SIK3: variants seen among roughly 807,000 people sequenced by gnomAD.
The protein encoded by SIK3 is serine/threonine-protein kinase SIK3.
SIK3 carries 28 observed loss-of-function variants against 144.2 expected under a neutral mutation model. The observed-to-expected ratio is 0.19, with a 90% confidence interval of 0.14 to 0.27. The LOEUF (loss-of-function observed/expected upper bound fraction) is 0.27. Ranked by LOEUF, SIK3 falls within the 10% of genes least tolerant of loss-of-function variation. The pLI is 1.00. For synonymous variants in SIK3, 686 were observed against 676.3 expected (o/e 1.01, Z -0.22); for missense variants, 1,319 against 1,776.0 (o/e 0.74, Z 4.62).
chr11:117,036,023 G>A (rs1426957919), intron 1 of SIK3: 4 of 1,441,986 alleles, frequency 2.8e-6, no homozygotes, highest in South Asian at 1.2e-5. Context: ...TTCTGGAGAG[G>A]GATGAAGGAG....
intron 6 of SIK3, among the ~76,000 whole-genome samples, chr11:116,894,907 T>A (rs1204335292): frequency 6.6e-6 from 1 of 152,212 alleles, no homozygotes; most frequent in Admixed American, 6.5e-5. Flanking sequence ...TTGTACCTTT[T>A]AGCCTACCGG....
intron 4 of SIK3, among the ~76,000 whole-genome samples, chr11:116,919,163 C>T (rs1279276650): frequency 6.6e-6 from 1 of 152,194 alleles, no homozygotes; most frequent in African/African-American, 2.4e-5. Context: ...GTCAGAGGCA[C>T]TGTCAGTCAA....
intron 1 of SIK3, among the ~76,000 whole-genome samples, chr11:117,060,069 T>C (rs972092847): frequency 2.0e-5 from 3 of 152,230 alleles, no homozygotes; most frequent in African/African-American, 4.8e-5. Flanking sequence ...AGCAGCTTTA[T>C]TCATAGTTGA....
In SIK3 at chr11:116,875,120, G is replaced by T. The variant is rs781654387; in HGVS notation, c.1427+38C>A. 1.9e-5 allele frequency: 28 copies of T among 1,507,998 alleles called. No homozygotes were observed. In the Middle Eastern group the frequency reaches 1.9e-3, roughly 103 times the overall value. 93.4% of individuals were successfully genotyped at this position (1,507,998 alleles called of 1,614,324 possible). A position where few individuals can be genotyped will look rare whatever the true frequency, so the allele number is the denominator to read the frequency against. ...ACTGAAAGTCAGGTGACAATTCTTT[G>T]CCCCAGTGTTAGTGAGGGCTGTTGG... On this transcript the variant is annotated intron_variant, in intron 11 of 24. Coordinates refer to ENST00000445177, the MANE Select transcript of SIK3 (RefSeq NM_001366686.3).
intron 1 of SIK3, among the ~76,000 whole-genome samples, chr11:117,013,972 C>CTTTTTTT (rs71037442): frequency 0.018 from 479 of 27,038 alleles, 91 homozygotes; most frequent in African/African-American, 0.047. Context: ...TTTTTCTTTT[C>CTTTTTTT]TTTTTTTTTT....
At chr11:117,081,164 A>G (rs1316218398) in intron 1 of SIK3, among the ~76,000 whole-genome samples, 1 of 152,028 alleles carries the variant, frequency 6.6e-6, no homozygotes, top group African/African-American at 2.4e-5. Flanking sequence ...ATTAAAAAAA[A>G]TTTTTACCAT....
At chr11:117,016,146 T>G (rs1356536854) in intron 1 of SIK3, among the ~76,000 whole-genome samples, 3 of 151,516 alleles carry the variant, frequency 2.0e-5, no homozygotes, top group Non-Finnish European at 4.4e-5. Context: ...GCCAATGTAA[T>G]GAAACCCCGT....
intron 4 of SIK3, among the ~76,000 whole-genome samples, chr11:116,913,190 C>A (rs955746702): frequency 6.6e-6 from 1 of 152,062 alleles, no homozygotes; most frequent in African/African-American, 2.4e-5. Context: ...GTAATCACTT[C>A]AACCCCTGGC....
intron 4 of SIK3, among the ~76,000 whole-genome samples, chr11:116,917,004 G>C (rs976565321): frequency 6.6e-6 from 1 of 151,800 alleles, no homozygotes; most frequent in Non-Finnish European, 1.5e-5. Flanking sequence ...GCCTAGGCTA[G>C]AGAGCAATGG....
At chr11:116,957,314 G>A (rs141923340) in intron 1 of SIK3, among the ~76,000 whole-genome samples, 98 of 152,152 alleles carry the variant, frequency 6.4e-4, no homozygotes, top group African/African-American at 1.9e-3. Context: ...TTGCTTATAC[G>A]GTAAAATCCT....
rs1166464823 is a variant in SIK3, at chr11:116,846,272, G to A, written c.*13+111C>T. ...TGTGAAGGCCACGAGGGGAGGCGTGGTACTGTCGACTGCACTGGCCACCAC... is the reference window on the plus strand; with the variant it reads ...TGTGAAGGCCACGAGGGGAGGCGTGATACTGTCGACTGCACTGGCCACCAC... On this transcript the variant is annotated intron_variant, in intron 24 of 24. Coordinates refer to ENST00000445177, the MANE Select transcript of SIK3 (RefSeq NM_001366686.3). The surrounding 1 kb of genome is among the most constrained non-coding windows in gnomAD (Gnocchi z 4.1). 1.8e-6 allele frequency: 2 copies of A among 1,099,900 alleles called. No homozygotes were observed. The highest frequency in any genetic ancestry group is 4.4e-5 in the Admixed American group (2 of 45,368). 68.1% of individuals were successfully genotyped at this position (1,099,900 alleles called of 1,614,324 possible).
In SIK3 at chr11:117,033,124, C is replaced by T. The variant is rs138115002; in HGVS notation, c.273+65019G>A. On this transcript the variant is annotated intron_variant, in intron 1 of 24. Transcript: ENST00000445177. ...TAAAATGCATCCTATATTAGGAATA[C>T]TATAGCTGTGCACTGGTGTTTGTTC... Among the ~76,000 whole-genome samples, 7 of 152,234 alleles carry T rather than the reference C, an allele frequency of 4.6e-5. No individual in the cohort carries two copies. The East Asian group carries it at 1.2e-3, about 25-fold the overall frequency.
chr11:117,004,677 A>C (rs1950977530), intron 1 of SIK3, among the ~76,000 whole-genome samples: 1 of 152,204 alleles, frequency 6.6e-6, no homozygotes, highest in Non-Finnish European at 1.5e-5. Flanking sequence ...ACTTTCCTTC[A>C]AATCTTACAA....
In SIK3 at chr11:116,846,483, A is replaced by C. The variant is rs539085925; in HGVS notation, c.4023T>G (p.Ser1341=). 53 of 1,614,232 alleles carry C rather than the reference A, an allele frequency of 3.3e-5. No homozygotes were observed. The South Asian group carries it at 5.7e-4, about 17-fold the overall frequency. Residue 1341 remains serine (S), a synonymous_variant, in exon 24 of 25, where the codon TCT becomes TCG. Transcript: ENST00000445177. This position sits in a 1 kb window ranked among gnomAD's most constrained non-coding sequence, Gnocchi z 4.1. ...LSDGSQHLNS[S]CYPSTCITDI... is the part of the protein sequence containing the mutation. ...CTGTAATACACGTAGATGGATAGCA[A>C]GAGGAGTTTAAATGCTGGCTGCCAT...
At chr11:116,860,746 C>T (rs761599025) in intron 19 of SIK3, among the ~76,000 whole-genome samples, 2 of 120,082 alleles carry the variant, frequency 1.7e-5, no homozygotes, top group African/African-American at 5.6e-5. Context: ...TGTGTACCCA[C>T]ATCTTGAAGT....
intron 1 of SIK3, among the ~76,000 whole-genome samples, chr11:116,985,431 A>C (rs901400161): frequency 6.6e-6 from 1 of 152,254 alleles, no homozygotes; most frequent in Admixed American, 6.5e-5. Flanking sequence ...ATATAAATTC[A>C]TTACAGCCTA....
intron 3 of SIK3, among the ~76,000 whole-genome samples, chr11:116,928,782 A>G (rs1303492418): frequency 6.6e-6 from 1 of 152,232 alleles, no homozygotes; most frequent in Non-Finnish European, 1.5e-5. Context: ...CTTTAAGAAC[A>G]TATCTTATAT....
intron 5 of SIK3, among the ~76,000 whole-genome samples, chr11:116,896,722 G>A (rs1311875304): frequency 6.6e-6 from 1 of 152,192 alleles, no homozygotes; most frequent in African/African-American, 2.4e-5. Flanking sequence ...GTAAGTATTG[G>A]AGGAAAGATT....
intron 1 of SIK3, among the ~76,000 whole-genome samples, chr11:117,074,931 C>CA (rs72127154): frequency 0.27 from 31,901 of 116,486 alleles, 3,906 homozygotes; most frequent in African/African-American, 0.4. Flanking sequence ...CGTCTCAAAA[C>CA]AAAAAAAAAA....
Sources: allele counts gnomAD v4.1 joint callset (sites outside exome capture counted in the v4.1 genomes callset), GRCh38; gene constraint gnomAD v4.1.1; non-coding constraint Gnocchi (gnomAD v3.1); transcripts MANE v1.5; gene names NCBI Gene and HGNC (gene_info 2026-07-23, HGNC 2026-07-21).